EXOC4: variants seen among roughly 807,000 people sequenced by gnomAD.
EXOC4 encodes the protein exocyst complex component 4.
Under a neutral mutation model 107.2 loss-of-function variants are expected in EXOC4, and 71 were observed. The ratio of observed to expected loss-of-function variants is 0.66; its 90% CI spans 0.55 to 0.81. The LOEUF (loss-of-function observed/expected upper bound fraction) is 0.81, where lower values mean the gene tolerates loss of function less well. Ranked by LOEUF, EXOC4 falls within the 30% of genes least tolerant of loss-of-function variation. The pLI is 0.00. For synonymous variants in EXOC4, 456 were observed against 441.2 expected (o/e 1.03, Z -0.42); for missense variants, 1,108 against 1,189.6 (o/e 0.93, Z 1.01).
intron 3 of EXOC4, among the ~76,000 whole-genome samples, chr7:133,300,944 A>G (rs545963573): frequency 1.3e-5 from 2 of 152,212 alleles, no homozygotes; most frequent in Non-Finnish European, 2.9e-5. Context: ...AAAGATAAAA[A>G]TTTCCGACTT....
intron 9 of EXOC4, among the ~76,000 whole-genome samples, chr7:133,510,856 A>C (rs1386560314): frequency 6.6e-6 from 1 of 152,186 alleles, no homozygotes; most frequent in Non-Finnish European, 1.5e-5. Flanking sequence ...CTGGTATTGC[A>C]CAAGTTGTGA....
chr7:133,616,825 A>G (rs1802205298), intron 9 of EXOC4, among the ~76,000 whole-genome samples: 2 of 152,180 alleles, frequency 1.3e-5, no homozygotes, highest in African/African-American at 4.8e-5. Flanking sequence ...TATCTACTTG[A>G]AAAAGGTGCT....
At chr7:133,365,493 A>G (rs988843586) in intron 6 of EXOC4, among the ~76,000 whole-genome samples, 1 of 152,182 alleles carries the variant, frequency 6.6e-6, no homozygotes, top group African/African-American at 2.4e-5. Context: ...TGACTTGACA[A>G]GGAGGGAGTA....
At chr7:133,813,708 C>T (rs2550993) in intron 10 of EXOC4, among the ~76,000 whole-genome samples, 5 of 152,142 alleles carry the variant, frequency 3.3e-5, no homozygotes, top group Non-Finnish European at 7.3e-5. Flanking sequence ...GGTTTTGGTC[C>T]TATTTTATTT....
chr7:133,289,656 T>C (rs1794360092), intron 3 of EXOC4, among the ~76,000 whole-genome samples: 5 of 152,240 alleles, frequency 3.3e-5, no homozygotes, highest in Admixed American at 3.3e-4. Context: ...CCTTTTTGAA[T>C]TGCTGAAAGT....
intron 9 of EXOC4, among the ~76,000 whole-genome samples, chr7:133,553,788 T>C (rs1800639226): frequency 6.6e-6 from 1 of 152,256 alleles, no homozygotes; most frequent in African/African-American, 2.4e-5. Flanking sequence ...TGAGAGGTGA[T>C]CCTAGGTTTT....
intron 1 of EXOC4, among the ~76,000 whole-genome samples, chr7:133,255,929 A>G (rs557316756): frequency 9.9e-5 from 15 of 151,438 alleles, no homozygotes; most frequent in African/African-American, 3.6e-4. Flanking sequence ...ATTTCTGTTC[A>G]ATTTATGTCC....
At chr7:133,907,984 CTT>C (rs1459693401) in intron 12 of EXOC4, among the ~76,000 whole-genome samples, 1 of 152,166 alleles carries the variant, frequency 6.6e-6, no homozygotes, top group Non-Finnish European at 1.5e-5. Context: ...GCCTTGCACT[CTT>C]GTTTTTTGAT....
intron 10 of EXOC4, among the ~76,000 whole-genome samples, chr7:133,735,323 G>A (rs1411673019): frequency 1.3e-5 from 2 of 148,604 alleles, no homozygotes; most frequent in African/African-American, 5.0e-5. Context: ...TTTAAGCAGT[G>A]CTTTTTCTTT....
chr7:133,786,228 G>T (rs747608545), intron 10 of EXOC4, among the ~76,000 whole-genome samples: 1 of 152,142 alleles, frequency 6.6e-6, no homozygotes, highest in East Asian at 1.9e-4. Flanking sequence ...AGCAGGAGTC[G>T]TCTGCAAATC....
At chr7:133,529,099 C>T (rs1311932160) in intron 9 of EXOC4, among the ~76,000 whole-genome samples, 1 of 152,132 alleles carries the variant, frequency 6.6e-6, no homozygotes, top group Non-Finnish European at 1.5e-5. Flanking sequence ...TTCGTTACCA[C>T]CTAGTGTTCT....
chr7:134,028,378 G>C (rs893581630), intron 17 of EXOC4, among the ~76,000 whole-genome samples: 6 of 152,040 alleles, frequency 3.9e-5, no homozygotes, highest in African/African-American at 1.4e-4. Flanking sequence ...ACATCAACTT[G>C]GTTATTTTTT....
chr7:133,947,331 G>T (rs1800577760), intron 14 of EXOC4, among the ~76,000 whole-genome samples: 1 of 152,100 alleles, frequency 6.6e-6, no homozygotes, highest in Non-Finnish European at 1.5e-5. Flanking sequence ...CTCAAGTTGT[G>T]TGGTTGCTTT....
rs58843853 is a variant in EXOC4, at chr7:133,449,721, TTG to T, written c.1183-25581_1183-25580del. On this transcript the variant is annotated intron_variant, in intron 7 of 17. Coordinates refer to ENST00000253861, the MANE Select transcript of EXOC4 (RefSeq NM_021807.4). ...TTTTCTGTAAAGCAAGAAAATACAT[TTG>T]TGTGTGTGTGTGTGTGTGTGTGTGT... Among the ~76,000 whole-genome samples, 57 of 147,988 alleles carry T rather than the reference TTG, an allele frequency of 3.9e-4. 2 individuals are homozygous for T. Among genetic ancestry groups the T allele is most frequent in the Middle Eastern group, 6.9e-3 (2 of 290 alleles).
chr7:133,978,967 T>C (rs1257185710), intron 14 of EXOC4, among the ~76,000 whole-genome samples: 2 of 152,202 alleles, frequency 1.3e-5, no homozygotes, highest in East Asian at 3.8e-4. Context: ...CAAGGGTATG[T>C]TCCCATTTCA....
chr7:133,426,091 A>C (rs1031695342), intron 7 of EXOC4, among the ~76,000 whole-genome samples: 3 of 152,150 alleles, frequency 2.0e-5, no homozygotes, highest in African/African-American at 7.2e-5. Context: ...TATCTCTTCA[A>C]CTGTTTTACA....
At chr7:133,510,978 C>G (rs946074346) in intron 9 of EXOC4, among the ~76,000 whole-genome samples, 2 of 151,914 alleles carry the variant, frequency 1.3e-5, no homozygotes, top group Non-Finnish European at 2.9e-5. Context: ...AAGGAAAAGC[C>G]GAAAGAGTAT....
intron 10 of EXOC4, among the ~76,000 whole-genome samples, chr7:133,812,437 C>T (rs567900411): frequency 1.3e-5 from 2 of 152,204 alleles, no homozygotes; most frequent in South Asian, 4.2e-4. Flanking sequence ...TCTGGAAGCC[C>T]TACTGTAAGT....
chr7:133,812,123 G>T (rs1797247115), intron 10 of EXOC4, among the ~76,000 whole-genome samples: 1 of 151,634 alleles, frequency 6.6e-6, no homozygotes, highest in Non-Finnish European at 1.5e-5. Context: ...GATTAGATAT[G>T]AAAATAAGGG....
Sources: allele counts gnomAD v4.1 joint callset (sites outside exome capture counted in the v4.1 genomes callset), GRCh38; gene constraint gnomAD v4.1.1; transcripts MANE v1.5; gene names NCBI Gene and HGNC (gene_info 2026-07-23, HGNC 2026-07-21).